Variants in PHKG2 observed in about 807,000 individuals in gnomAD.
PHKG2 encodes phosphorylase b kinase gamma catalytic chain, liver/testis isoform.
PHKG2 carries 28 observed loss-of-function variants against 44.5 expected under a neutral mutation model. The observed-to-expected ratio is 0.63, with a 90% CI of 0.47 to 0.86. The LOEUF is 0.86. Ranked by LOEUF, PHKG2 falls within the 40% of genes least tolerant of loss-of-function variation. The pLI is 0.00. For missense variants in PHKG2, 498 were observed against 547.5 expected (o/e 0.91, Z 0.90); for synonymous variants, 220 against 211.2 (o/e 1.04, Z -0.36).
At position 30,756,456 on chromosome 16, in the gene PHKG2, T is replaced by C. The variant is rs577778473; in HGVS notation, c.737T>C (p.Met246Thr). 3 of 1,613,770 alleles carry C rather than the reference T, an allele frequency of 1.9e-6. No individual in the cohort carries two copies. The highest frequency in any genetic ancestry group is 2.5e-6 in the Non-Finnish European group (3 of 1,180,034). Residue 246 changes from methionine to threonine, a missense_variant, in exon 8 of 10, where the codon ATG becomes ACG. Met to Thr is a moderately conservative substitution (Grantham distance 81). Coordinates refer to ENST00000563588, the MANE Select transcript of PHKG2 (RefSeq NM_000294.3). Reference protein sequence around the residue: ...RRQILMLRMIMEGQYQFSSPE... With the variant: ...RRQILMLRMITEGQYQFSSPE... The stretch of plus-strand genomic sequence containing the variant: ...CAGATCCTGATGTTACGCATGATCA[T>C]GGAGGGCCAGTACCAGTTCAGTTCC...
Position 30,758,786 on chromosome 16 carries a change from C to G in PHKG2, c.*1689C>G. 1 of 691,316 alleles carries G rather than the reference C, an allele frequency of 1.4e-6. No homozygotes were observed. The allele number at this position is 691,316 out of a possible 1,614,324, so 42.8% of individuals were successfully genotyped here. ...CCCAGGCTGGTCGCGAACTCCTGAGCTCAGGCAATCCGCCTGCCTCAGATT... is the reference window on the plus strand; with the variant it reads ...CCCAGGCTGGTCGCGAACTCCTGAGGTCAGGCAATCCGCCTGCCTCAGATT... On this transcript the variant is annotated 3_prime_UTR_variant, in exon 10 of 10. Coordinates refer to ENST00000563588, the MANE Select transcript of PHKG2 (RefSeq NM_000294.3).
intron 6 of PHKG2, 84 bp downstream of exon 6, chr16:30,753,641 C>A: frequency 7.4e-7 from 1 of 1,353,712 alleles, no homozygotes; most frequent in Non-Finnish European, 1.0e-6. Context: ...AGTACCAAGT[C>A]CCTGGTGCCA....
At chr16:30,748,695 A>G in intron 1 of PHKG2, 108 bp from the exon 2 acceptor site, 2 of 54,060 alleles carry the variant, frequency 3.7e-5, no homozygotes, top group East Asian at 1.6e-3. Context: ...CCCACCCCCC[A>G]GGACCCTGGC....
chr16:30,749,124 C>CTGG (rs1211223555), intron 2 of PHKG2, among the ~76,000 whole-genome samples: 2 of 7,504 alleles, frequency 2.7e-4, no homozygotes, highest in Non-Finnish European at 6.6e-4. Context: ...GGTGCTGGTG[C>CTGG]TGGTGGTGGT....
intron 3 of PHKG2, 37 bp downstream of exon 3, chr16:30,751,318 C>T: frequency 6.3e-7 from 1 of 1,599,162 alleles, no homozygotes; most frequent in Non-Finnish European, 8.5e-7. Context: ...AGCAGACGAC[C>T]CCCCACCTCC....
At chr16:30,749,641 G>A (rs1385613782) in intron 2 of PHKG2, among the ~76,000 whole-genome samples, 1 of 152,228 alleles carries the variant, frequency 6.6e-6, no homozygotes, top group African/African-American at 2.4e-5. Context: ...ACCGCGCCTG[G>A]TTGACTGAAT....
chr16:30,750,054 G>C (rs1431853810), intron 2 of PHKG2, among the ~76,000 whole-genome samples: 1 of 152,070 alleles, frequency 6.6e-6, no homozygotes, highest in East Asian at 1.9e-4. Flanking sequence ...ATTAAAGCTG[G>C]GTCATAATTA....
At position 30,759,195 on chromosome 16, in the gene PHKG2, C is replaced by A. The variant is rs1354295916; in HGVS notation, c.*2098C>A. 11 of 1,612,880 alleles carry A rather than the reference C, an allele frequency of 6.8e-6. No homozygotes were observed. Among genetic ancestry groups the A allele is most frequent in the Non-Finnish European group, 9.3e-6 (11 of 1,179,992 alleles). On this transcript the variant is annotated 3_prime_UTR_variant, in exon 10 of 10. Transcript: ENST00000563588. ...TCCCTTACCCGTCTCACTCTCTGGCCACAGTTTGGGTGGCTGTAGCCCCAT... is the reference window on the plus strand; with the variant it reads ...TCCCTTACCCGTCTCACTCTCTGGCAACAGTTTGGGTGGCTGTAGCCCCAT...
chr16:30,755,170 A>G (rs1036746690), intron 6 of PHKG2: 1 of 301,108 alleles, frequency 3.3e-6, no homozygotes, highest in African/African-American at 2.2e-5. Flanking sequence ...TGAGCCTAGG[A>G]GCCCAAGGCT....
In PHKG2 at chr16:30,751,111, T is replaced by C. The variant is rs1448261212; in HGVS notation, c.101T>C (p.Val34Ala). 6.2e-7 allele frequency: 1 copy of C among 1,613,352 alleles called. No individual in the cohort carries two copies. Among genetic ancestry groups the C allele is most frequent in the South Asian group, 1.1e-5 (1 of 91,074 alleles). ...YDPKDVIGRG[V>A]SSVVRRCVHR... Reference sequence around the variant, plus strand: ...CTATTTTCCGGCTCTTGCAGAGGAGTGAGCTCTGTGGTCCGCCGTTGTGTT... The same window carrying C: ...CTATTTTCCGGCTCTTGCAGAGGAGCGAGCTCTGTGGTCCGCCGTTGTGTT... Residue 34 changes from valine to alanine, a missense_variant, in exon 3 of 10, where the codon GTG (valine) becomes GCG (alanine). Coordinates refer to ENST00000563588, the MANE Select transcript of PHKG2 (RefSeq NM_000294.3).
At chr16:30,755,335 A>T (rs905812281) in intron 6 of PHKG2, 3 of 160,372 alleles carry the variant, frequency 1.9e-5, no homozygotes, top group African/African-American at 7.2e-5. Flanking sequence ...ATGATGTGGA[A>T]TCAGGGAAGG....
intron 4 of PHKG2, 114 bp downstream of exon 4, chr16:30,751,717 G>A: frequency 2.2e-6 from 2 of 927,580 alleles, no homozygotes; most frequent in South Asian, 1.3e-5. Flanking sequence ...TGTTCCAGCT[G>A]GGGCTCTCTA....
chr16:30,749,475 G>A (rs2053316611), intron 2 of PHKG2, among the ~76,000 whole-genome samples: 1 of 152,038 alleles, frequency 6.6e-6, no homozygotes, highest in Admixed American at 6.6e-5. Flanking sequence ...AGCCTCCCGA[G>A]TAGCTGGGAT....
Position 30,759,412 on chromosome 16 carries a change from G to A in PHKG2, c.*2315G>A. ...AGTGTTGACCACGTAGTCTTCCAAG[G>A]CCAGCAGCTGTTCCTCTTTGAAGAG... is the stretch of plus-strand genomic sequence containing the variant. On this transcript the variant is annotated 3_prime_UTR_variant, in exon 10 of 10. Transcript: ENST00000563588. 1 of 1,614,228 alleles carries A rather than the reference G, an allele frequency of 6.2e-7. No homozygotes were observed. The highest frequency in any genetic ancestry group is 8.5e-7 in the Non-Finnish European group (1 of 1,180,044).
Position 30,757,757 on chromosome 16 carries a change from G to A in PHKG2, c.*660G>A, listed in dbSNP as rs1418321337. ...ACAGTCCCCAAATTTCCCCTGGTGG[G>A]GATATAGAGGTAGCAATGTTGTTTC... On this transcript the variant is annotated 3_prime_UTR_variant, in exon 10 of 10. Coordinates refer to ENST00000563588, the MANE Select transcript of PHKG2 (RefSeq NM_000294.3). 4.1e-6 allele frequency: 6 copies of A among 1,468,968 alleles called. No individual in the cohort carries two copies. The highest frequency in any genetic ancestry group is 5.3e-5 in the Admixed American group (2 of 38,026). The allele number at this position is 1,468,968 out of a possible 1,614,324, so 91.0% of individuals were successfully genotyped here.
chr16:30,755,063 G>A (rs557568636), intron 6 of PHKG2: 5 of 376,888 alleles, frequency 1.3e-5, no homozygotes, highest in Admixed American at 3.0e-5. Context: ...ATTGGTGCCC[G>A]AGTGGTAGAA....
intron 4 of PHKG2, chr16:30,751,949 CGGGCGTGGTGGT>C (rs2053352266): frequency 3.1e-6 from 1 of 325,392 alleles, no homozygotes; most frequent in Non-Finnish European, 6.0e-6. Flanking sequence ...AAAAATCAGC[CGGGCGTGGTGGT>C]GGGCGCCTGT....
intron 6 of PHKG2, 56 bp from the exon 7 acceptor site, chr16:30,756,126 C>A: frequency 1.5e-6 from 2 of 1,305,004 alleles, no homozygotes; most frequent in Non-Finnish European, 2.2e-6. Context: ...AGATCCAGTG[C>A]TAAGGGCCCT....
chr16:30,759,912 C>A lies in PHKG2; in HGVS notation c.*2815C>A. The A allele has an allele frequency of 2.1e-6, 3 of 1,438,804 alleles. No individual in the cohort carries two copies. Among genetic ancestry groups the A allele is most frequent in the Non-Finnish European group, 2.7e-6 (3 of 1,100,456 alleles). 89.1% of individuals were successfully genotyped at this position (1,438,804 alleles called of 1,614,324 possible). ...TATGCCCACTGTATGGTTTTCGGCACTGAACAAGACAGACAAGGTCCTGCC... is the reference window on the plus strand; with the variant it reads ...TATGCCCACTGTATGGTTTTCGGCAATGAACAAGACAGACAAGGTCCTGCC... On this transcript the variant is annotated 3_prime_UTR_variant, in exon 10 of 10. Coordinates refer to ENST00000563588, the MANE Select transcript of PHKG2 (RefSeq NM_000294.3).
Sources: gnomAD v4.1 joint callset for allele counts (sites outside exome capture counted in the v4.1 genomes callset) on GRCh38, gnomAD v4.1.1 for gene constraint, MANE v1.5 for transcripts, NCBI Gene and HGNC (gene_info 2026-07-23, HGNC 2026-07-21) for gene names.